Variants in RBM33 observed in about 807,000 individuals in gnomAD.
RBM33 encodes RNA binding motif protein 33.
In RBM33, 28 loss-of-function variants were observed where a neutral mutation model predicts 132.6. The observed-to-expected ratio is 0.21, with a 90% CI of 0.16 to 0.29. The LOEUF (loss-of-function observed/expected upper bound fraction) is 0.29. RBM33 is among the 10% of genes least tolerant of loss of function. RBM33 has a pLI of 1.00. For synonymous variants in RBM33, 634 were observed against 593.0 expected (o/e 1.07, Z -1.01); for missense variants, 1,291 against 1,518.5 (o/e 0.85, Z 2.49).
intron 9 of RBM33, among the ~76,000 whole-genome samples, chr7:155,729,206 A>G (rs1343343501): frequency 6.6e-6 from 1 of 152,040 alleles, no homozygotes; most frequent in Non-Finnish European, 1.5e-5. Flanking sequence ...CCATTATGAG[A>G]ACAGCGTGGG....
chr7:155,674,032 AAGCTTCTAGAAGTGATTACTGCATCATT>A (rs1158872456), intron 3 of RBM33, among the ~76,000 whole-genome samples: 1 of 137,322 alleles, frequency 7.3e-6, no homozygotes, highest in Non-Finnish European at 1.5e-5. Context: ...GGCTCACTGC[AAGCTTCTAGAAGTGATTACTGCATCATT>A]AGCCTGCAGG....
intron 9 of RBM33, among the ~76,000 whole-genome samples, chr7:155,722,587 G>A (rs55897769): frequency 0.037 from 5,701 of 152,174 alleles, 351 homozygotes; most frequent in African/African-American, 0.13. Flanking sequence ...TATCCATAAA[G>A]TATATTTTCT....
intron 14 of RBM33, among the ~76,000 whole-genome samples, chr7:155,763,489 G>A (rs985425184): frequency 4.6e-5 from 7 of 152,362 alleles, no homozygotes; most frequent in South Asian, 4.1e-4. Context: ...GTGAAAATGC[G>A]TGTTGGATAT....
chr7:155,678,821 C>G (rs1221548803), intron 4 of RBM33, 137 bp downstream of exon 4: 1 of 571,794 alleles, frequency 1.7e-6, no homozygotes, highest in African/African-American at 1.9e-5. Flanking sequence ...AAATGGAATA[C>G]TAGTAATAAC....
rs111252383 is a variant in RBM33 at position 155,762,960 on chromosome 7, A to G, written c.2980-852A>G. On this transcript the variant is annotated intron_variant, in intron 14 of 17. Coordinates refer to ENST00000401878, the MANE Select transcript of RBM33 (RefSeq NM_053043.3). ...TCCCAGCCTTCAGCTGTTCTTTGGG[A>G]AAAAGACTACTCAGTACTGAAAGCA... Among the ~76,000 whole-genome samples the G allele has an allele frequency of 1.2e-4, 18 of 152,318 alleles. 2 individuals carry two copies. Among genetic ancestry groups the G allele is most frequent in the African/African-American group, 4.1e-4 (17 of 41,564 alleles).
intron 6 of RBM33, among the ~76,000 whole-genome samples, chr7:155,704,734 A>G (rs545947721): frequency 6.6e-6 from 1 of 152,308 alleles, no homozygotes; most frequent in East Asian, 1.9e-4. Context: ...GGCACGTGTT[A>G]CATGTTCTTT....
intron 9 of RBM33, among the ~76,000 whole-genome samples, chr7:155,728,214 C>T (rs932856564): frequency 1.3e-5 from 2 of 152,132 alleles, no homozygotes; most frequent in African/African-American, 4.8e-5. Context: ...GAAAATGCGC[C>T]GTCATGACTT....
At chr7:155,671,527 T>C (rs999965191) in intron 2 of RBM33, among the ~76,000 whole-genome samples, 9 of 152,230 alleles carry the variant, frequency 5.9e-5, no homozygotes, top group African/African-American at 9.6e-5. Context: ...TATAGAAACA[T>C]GCATTTCATT....
chr7:155,751,008 G>T (rs1020644865), intron 14 of RBM33, among the ~76,000 whole-genome samples: 2 of 152,146 alleles, frequency 1.3e-5, no homozygotes, highest in East Asian at 3.8e-4. Context: ...TTATTTGTGG[G>T]ATCATGCATT....
intron 9 of RBM33, among the ~76,000 whole-genome samples, chr7:155,736,491 T>A (rs534686634): frequency 5.1e-4 from 77 of 152,246 alleles, no homozygotes; most frequent in Non-Finnish European, 8.1e-4. Flanking sequence ...TAAAAAAATC[T>A]CCATGAATAC....
intron 1 of RBM33, among the ~76,000 whole-genome samples, chr7:155,656,729 A>G (rs915464508): frequency 2.0e-5 from 3 of 152,244 alleles, no homozygotes; most frequent in Non-Finnish European, 2.9e-5. Flanking sequence ...ACTTTTTGTC[A>G]TTAAAATATG....
chr7:155,724,993 TGTGTGTGTGTGTGTGTGTGTGTGTGTGTG>T (rs1800745495), intron 9 of RBM33, among the ~76,000 whole-genome samples: 2 of 94,894 alleles, frequency 2.1e-5, no homozygotes, highest in African/African-American at 8.1e-5. Flanking sequence ...TACAGGTTTG[TGTGTGTGTGTGTGTGTGTGTGTGTGTGTG>T]TGTGTGTGTG....
chr7:155,758,890 A>G (rs1283766991), intron 14 of RBM33, among the ~76,000 whole-genome samples: 1 of 152,004 alleles, frequency 6.6e-6, no homozygotes, highest in Non-Finnish European at 1.5e-5. Flanking sequence ...GCTGCATCCC[A>G]ACCTGCCACT....
chr7:155,656,588 G>GA (rs570280584), intron 1 of RBM33, among the ~76,000 whole-genome samples: 11 of 148,184 alleles, frequency 7.4e-5, no homozygotes, highest in South Asian at 2.1e-4. Flanking sequence ...TCCATCTCAG[G>GA]AAAAAAAAAA....
intron 1 of RBM33, 157 bp downstream of exon 1, chr7:155,645,076 C>T: frequency 1.9e-6 from 1 of 532,362 alleles, no homozygotes; most frequent in South Asian, 2.5e-5. Context: ...CCTTCCCTCG[C>T]TATTGTCATT....
At chr7:155,701,114 A>G in intron 6 of RBM33, 170 bp downstream of exon 6, 2 of 614,546 alleles carry the variant, frequency 3.3e-6, no homozygotes, top group Admixed American at 3.0e-5. Flanking sequence ...TGTAAAACTC[A>G]TTCTTTAAAA....
chr7:155,664,481 A>G (rs7793874), intron 1 of RBM33, among the ~76,000 whole-genome samples: 97,432 of 151,038 alleles, frequency 0.65, 32,302 homozygotes, highest in South Asian at 0.77. Context: ...ATGTTGGCCG[A>G]GCTGGTCTCA....
intron 9 of RBM33, among the ~76,000 whole-genome samples, chr7:155,727,942 A>G (rs1222754675): frequency 6.6e-6 from 1 of 150,632 alleles, no homozygotes; most frequent in Non-Finnish European, 1.5e-5. Flanking sequence ...TTTTTTTTGT[A>G]CTTTTTTTGT....
chr7:155,656,783 T>C (rs1042515616), intron 1 of RBM33, among the ~76,000 whole-genome samples: 2 of 152,172 alleles, frequency 1.3e-5, no homozygotes, highest in African/African-American at 4.8e-5. Flanking sequence ...AGTTTGACTA[T>C]TCTTTTTAAA....
Sources: allele counts gnomAD v4.1 joint callset (sites outside exome capture counted in the v4.1 genomes callset), GRCh38; gene constraint gnomAD v4.1.1; transcripts MANE v1.5; gene names NCBI Gene and HGNC (gene_info 2026-07-23, HGNC 2026-07-21).